NT5C2: variants seen among roughly 807,000 people sequenced by gnomAD.
The protein encoded by NT5C2 is 5'-nucleotidase, cytosolic II.
A neutral mutation model predicts 76.1 loss-of-function variants in NT5C2; 58 were observed. The observed-to-expected ratio is 0.76, with a 90% CI of 0.62 to 0.95. The LOEUF is 0.95. Ranked by LOEUF, NT5C2 falls within the 40% of genes least tolerant of loss-of-function variation. NT5C2 has a pLI of 0.00. For synonymous variants in NT5C2, 229 were observed against 237.4 expected, an observed-to-expected ratio of 0.96 and a Z score of 0.32; for missense variants, 478 against 690.3, an observed-to-expected ratio of 0.69 and a Z score of 3.45.
At chr10:103,166,768 C>A (rs764559362) in intron 3 of NT5C2, among the ~76,000 whole-genome samples, 2 of 151,536 alleles carry the variant, frequency 1.3e-5, no homozygotes, top group Admixed American at 6.6e-5. Flanking sequence ...TCTTCCTGCC[C>A]CAGCCTCCCC....
At chr10:103,120,183 TAGA>T (rs1319323140) in intron 4 of NT5C2, among the ~76,000 whole-genome samples, 2 of 151,900 alleles carry the variant, frequency 1.3e-5, no homozygotes, top group Admixed American at 6.6e-5. Context: ...ATAAAACTCT[TAGA>T]AGAAAACATG....
At chr10:103,191,788 G>C (rs989409572) in intron 1 of NT5C2, among the ~76,000 whole-genome samples, 1 of 151,852 alleles carries the variant, frequency 6.6e-6, no homozygotes, top group African/African-American at 2.4e-5. Flanking sequence ...CTTAATTCTG[G>C]GTCAATGAGA....
At chr10:103,153,239 G>A (rs548407503) in intron 3 of NT5C2, 3 of 1,206,866 alleles carry the variant, frequency 2.5e-6, no homozygotes, top group African/African-American at 1.6e-5. Flanking sequence ...TCATGCAGAT[G>A]ATACCTCTTC....
Position 103,101,427 on chromosome 10 carries a change from G to A in NT5C2, c.390-101C>T, listed in dbSNP as rs1021714579. On this transcript the variant is annotated intron_variant, in intron 6 of 18. Transcript: ENST00000404739. ...TTAACTCAAATATTTTGATGGCTAT[G>A]TGCAAGACAGAATTCCGAATATTAC... 7 of 656,308 alleles carry A rather than the reference G, an allele frequency of 1.1e-5. No individual in the cohort carries two copies. The African/African-American group carries it at 1.1e-4, about 10-fold the overall frequency. The allele number at this position is 656,308 out of a possible 1,614,324, so 40.7% of individuals were successfully genotyped here.
chr10:103,088,102 C>T lies in NT5C2; in HGVS notation c.*1570G>A, dbSNP rs773034894. Reference sequence around the variant, plus strand: ...ACTGATGTCACCAAATCTAAACCCACTTGAAGACCAATAGCTATTACAGTT... The same window carrying T: ...ACTGATGTCACCAAATCTAAACCCATTTGAAGACCAATAGCTATTACAGTT... On this transcript the variant is annotated 3_prime_UTR_variant, in exon 19 of 19. Transcript: ENST00000404739. 3 of 152,186 alleles carry T rather than the reference C, an allele frequency of 2.0e-5. No individual in the cohort carries two copies. Among genetic ancestry groups the T allele is most frequent in the Non-Finnish European group, 4.4e-5 (3 of 68,042 alleles). The allele number at this position is 152,186 out of a possible 1,614,324, so 9.4% of individuals were successfully genotyped here. A position where few individuals can be genotyped will look rare whatever the true frequency, so the allele number is the denominator to read the frequency against.
At position 103,089,293 on chromosome 10, in the gene NT5C2, A is replaced by G. The variant is rs1159749341; in HGVS notation, c.*379T>C. ...TTGGAGTAATAGCACAATTTGTAAC[A>G]TTACAGATCACCTCTTCCCACTCTT... is the stretch of plus-strand genomic sequence containing the variant. On this transcript the variant is annotated 3_prime_UTR_variant, in exon 19 of 19. Transcript: ENST00000404739. The G allele has an allele frequency of 4.3e-6, 1 of 233,790 alleles. No individual in the cohort carries two copies. Among genetic ancestry groups the G allele is most frequent in the Non-Finnish European group, 8.4e-6 (1 of 119,208 alleles). 14.5% of individuals were successfully genotyped at this position (233,790 alleles called of 1,614,324 possible). A position where few individuals can be genotyped will look rare whatever the true frequency, so the allele number is the denominator to read the frequency against.
At chr10:103,144,194 G>A (rs745554982) in intron 3 of NT5C2, among the ~76,000 whole-genome samples, 4 of 152,186 alleles carry the variant, frequency 2.6e-5, no homozygotes, top group Non-Finnish European at 5.9e-5. Flanking sequence ...AGGCTAGAGA[G>A]CCAACTGGAT....
chr10:103,169,120 G>T (rs907716368), intron 3 of NT5C2, among the ~76,000 whole-genome samples: 1 of 152,004 alleles, frequency 6.6e-6, no homozygotes, highest in Non-Finnish European at 1.5e-5. Context: ...AAATTGCAAA[G>T]GGATTAGATT....
At chr10:103,146,186 T>C (rs891316683) in intron 3 of NT5C2, 1 of 985,306 alleles carries the variant, frequency 1.0e-6, no homozygotes, top group African/African-American at 1.7e-5. Context: ...CTCAAAAGCA[T>C]GTATCTTCCG....
At chr10:103,182,209 C>G (rs536568081) in intron 1 of NT5C2, among the ~76,000 whole-genome samples, 57 of 152,258 alleles carry the variant, frequency 3.7e-4, no homozygotes, top group African/African-American at 1.3e-3. Flanking sequence ...GCAGGTCTAT[C>G]AGGCAGTGTT....
At chr10:103,191,518 T>C (rs1591979631) in intron 1 of NT5C2, among the ~76,000 whole-genome samples, 2 of 152,346 alleles carry the variant, frequency 1.3e-5, no homozygotes, top group African/African-American at 4.8e-5. Context: ...TAACATTCTA[T>C]TGTAATCTGG....
intron 4 of NT5C2, among the ~76,000 whole-genome samples, chr10:103,136,478 A>C (rs767186300): frequency 1.2e-4 from 18 of 152,212 alleles, no homozygotes; most frequent in Non-Finnish European, 1.0e-4. Flanking sequence ...ATAAGTACTT[A>C]ATAAATGTTA....
intron 1 of NT5C2, among the ~76,000 whole-genome samples, chr10:103,188,966 C>G (rs1389054031): frequency 6.6e-6 from 1 of 150,882 alleles, no homozygotes; most frequent in African/African-American, 2.4e-5. Flanking sequence ...GAGCTGAGAT[C>G]GAGCCAGCCT....
chr10:103,121,891 C>A (rs1484575661), intron 4 of NT5C2, among the ~76,000 whole-genome samples: 2 of 152,098 alleles, frequency 1.3e-5, no homozygotes, highest in Admixed American at 6.5e-5. Flanking sequence ...TTAGAATTCT[C>A]GGCCAGGCAC....
intron 3 of NT5C2, among the ~76,000 whole-genome samples, chr10:103,142,903 A>G (rs2133272453): frequency 6.6e-6 from 1 of 150,506 alleles, no homozygotes; most frequent in Non-Finnish European, 1.5e-5. Context: ...GAACTGCTTG[A>G]GCCTAGACCC....
At chr10:103,116,587 C>CTTTTTTTTTTTTTT (rs11451961) in intron 4 of NT5C2, among the ~76,000 whole-genome samples, 14 of 126,220 alleles carry the variant, frequency 1.1e-4, no homozygotes, top group Non-Finnish European at 1.5e-4. Flanking sequence ...TTTTTTTTTT[C>CTTTTTTTTTTTTTT]TTTTTTTTTT....
chr10:103,165,949 C>T (rs1362201476), intron 3 of NT5C2, among the ~76,000 whole-genome samples: 2 of 152,210 alleles, frequency 1.3e-5, no homozygotes, highest in Non-Finnish European at 1.5e-5. Context: ...GGATTACAGG[C>T]GTGAGCCACC....
At chr10:103,128,868 G>A (rs1431182016) in intron 4 of NT5C2, among the ~76,000 whole-genome samples, 2 of 66,710 alleles carry the variant, frequency 3.0e-5, no homozygotes, top group East Asian at 1.3e-3. Flanking sequence ...CCCTCCGCCC[G>A]GCAGCTGCCC....
chr10:103,125,846 A>T (rs1460593848), intron 4 of NT5C2, among the ~76,000 whole-genome samples: 1 of 152,218 alleles, frequency 6.6e-6, no homozygotes, highest in Non-Finnish European at 1.5e-5. Flanking sequence ...ATGCAAATAA[A>T]ACCAAAGAAA....
Sources: allele counts gnomAD v4.1 joint callset (sites outside exome capture counted in the v4.1 genomes callset), GRCh38; gene constraint gnomAD v4.1.1; transcripts MANE v1.5; gene names NCBI Gene and HGNC (gene_info 2026-07-23, HGNC 2026-07-21).